ZNF385D: variants seen among roughly 807,000 people sequenced by gnomAD.
The protein encoded by ZNF385D is zinc finger protein 385D.
A neutral mutation model predicts 35.8 loss-of-function variants in ZNF385D; 15 were observed. That is an observed-to-expected ratio of 0.42 (90% confidence interval 0.28 to 0.64). The LOEUF (loss-of-function observed/expected upper bound fraction) is 0.64. Ranked by LOEUF, ZNF385D falls within the 30% of genes least tolerant of loss-of-function variation. The pLI, the probability that ZNF385D is intolerant of heterozygous loss-of-function variation, is 0.23. For synonymous variants in ZNF385D, 212 were observed against 186.8 expected (o/e 1.13, Z -1.10); for missense variants, 474 against 494.6 (o/e 0.96, Z 0.39).
intron 1 of ZNF385D, among the ~76,000 whole-genome samples, chr3:21,711,044 T>C (rs1385862598): frequency 2.4e-5 from 3 of 123,596 alleles, no homozygotes; most frequent in African/African-American, 9.4e-5. Context: ...TAAAAGTTTT[T>C]TTTTTTTTTT....
At chr3:21,476,812 A>G (rs1416773761) in intron 4 of ZNF385D, among the ~76,000 whole-genome samples, 1 of 152,076 alleles carries the variant, frequency 6.6e-6, no homozygotes, top group Non-Finnish European at 1.5e-5. Flanking sequence ...ACCAAACACT[A>G]GTTCCAGGAA....
At chr3:21,604,441 T>G (rs898689427) in intron 2 of ZNF385D, among the ~76,000 whole-genome samples, 2 of 152,224 alleles carry the variant, frequency 1.3e-5, no homozygotes, top group Non-Finnish European at 2.9e-5. Flanking sequence ...ATTTCTATTA[T>G]GTAGGAAGAT....
chr3:21,890,106 C>T (rs942837475), intron 3 of ZNF385D, among the ~76,000 whole-genome samples: 1 of 152,148 alleles, frequency 6.6e-6, no homozygotes, highest in Non-Finnish European at 1.5e-5. Flanking sequence ...GATTTGGCTT[C>T]AAACATATAT....
intron 3 of ZNF385D, among the ~76,000 whole-genome samples, chr3:21,944,937 T>A (rs902943566): frequency 6.6e-6 from 1 of 152,022 alleles, no homozygotes; most frequent in Non-Finnish European, 1.5e-5. Flanking sequence ...TCTTAATGAG[T>A]TTTGTAACTC....
At chr3:21,948,281 G>A (rs1170619057) in intron 3 of ZNF385D, among the ~76,000 whole-genome samples, 2 of 151,358 alleles carry the variant, frequency 1.3e-5, no homozygotes, top group Non-Finnish European at 2.9e-5. Flanking sequence ...TCCAATATTG[G>A]CTCTATGACA....
chr3:21,598,462 C>T (rs771546399), intron 2 of ZNF385D, among the ~76,000 whole-genome samples: 1 of 152,050 alleles, frequency 6.6e-6, no homozygotes, highest in Non-Finnish European at 1.5e-5. Flanking sequence ...AAACATATTC[C>T]CAACTGGAAC....
chr3:22,112,845 G>GA (rs34964113), intron 3 of ZNF385D, among the ~76,000 whole-genome samples: 22,688 of 151,466 alleles, frequency 0.15, 1,644 homozygotes, highest in Non-Finnish European at 0.16. Context: ...CTATGGGGGG[G>GA]AAAAAAAACA....
At chr3:22,214,267 T>C (rs1357983605) in intron 2 of ZNF385D, among the ~76,000 whole-genome samples, 1 of 152,140 alleles carries the variant, frequency 6.6e-6, no homozygotes. Context: ...TTCCTATGCC[T>C]GTCTTTACTT....
rs543758228 is a variant in ZNF385D at position 21,764,906 on chromosome 3, C to G, written c.326-99878G>C. Among the ~76,000 whole-genome samples, 87 of 152,204 alleles carry G rather than the reference C, an allele frequency of 5.7e-4. 1 individual carries two copies. The highest frequency in any genetic ancestry group is 2.0e-3 in the African/African-American group (85 of 41,550). On this transcript the variant is annotated intron_variant, in intron 3 of 5. Transcript: ENST00000494108. The stretch of plus-strand genomic sequence containing the variant: ...TTTTTTCCAATTGTCCACTTCTCTC[C>G]TGCCTACAACTTTCCTGAATAATTT...
intron 2 of ZNF385D, among the ~76,000 whole-genome samples, chr3:22,325,566 C>G (rs1364580601): frequency 1.3e-5 from 2 of 152,114 alleles, no homozygotes. Flanking sequence ...GAGTTCGAGA[C>G]CAGCCTGGGC....
intron 2 of ZNF385D, among the ~76,000 whole-genome samples, chr3:21,572,372 T>C (rs1029273500): frequency 6.6e-6 from 1 of 152,186 alleles, no homozygotes; most frequent in African/African-American, 2.4e-5. Context: ...CAAGAAACTT[T>C]CACTTCAGTT....
At chr3:21,988,058 T>C (rs1187985197) in intron 3 of ZNF385D, among the ~76,000 whole-genome samples, 1 of 140,722 alleles carries the variant, frequency 7.1e-6, no homozygotes, top group Non-Finnish European at 1.6e-5. Flanking sequence ...GTTATTCTAG[T>C]TATACATTCT....
At chr3:21,786,130 A>T (rs2071679819) in intron 3 of ZNF385D, among the ~76,000 whole-genome samples, 1 of 152,086 alleles carries the variant, frequency 6.6e-6, no homozygotes, top group African/African-American at 2.4e-5. Context: ...TAAACTGTTC[A>T]ACATCACAAA....
intron 4 of ZNF385D, among the ~76,000 whole-genome samples, chr3:21,455,666 A>G (rs13069346): frequency 0.34 from 51,359 of 151,314 alleles, 10,193 homozygotes; most frequent in African/African-American, 0.6. Context: ...CATTCAGGAC[A>G]TAGGCATGGG....
At chr3:21,800,222 T>A (rs1308175836) in intron 3 of ZNF385D, among the ~76,000 whole-genome samples, 1 of 152,222 alleles carries the variant, frequency 6.6e-6, no homozygotes, top group Admixed American at 6.6e-5. Flanking sequence ...TTTGACTATT[T>A]TGAATGCCTT....
At chr3:21,668,673 C>G (rs2066475943) in intron 1 of ZNF385D, among the ~76,000 whole-genome samples, 1 of 152,180 alleles carries the variant, frequency 6.6e-6, no homozygotes, top group Admixed American at 6.6e-5. Flanking sequence ...CTTTTGAAAT[C>G]TGGATTAGTC....
intron 2 of ZNF385D, among the ~76,000 whole-genome samples, chr3:22,304,046 G>C (rs564144487): frequency 6.6e-6 from 1 of 152,266 alleles, no homozygotes; most frequent in East Asian, 1.9e-4. Context: ...CCAGTGTTGG[G>C]ATTACAGGCG....
chr3:22,058,488 A>G (rs1380752925), intron 3 of ZNF385D, among the ~76,000 whole-genome samples: 1 of 152,154 alleles, frequency 6.6e-6, no homozygotes, highest in Non-Finnish European at 1.5e-5. Context: ...GATAATGGCT[A>G]TCACACAAAG....
intron 3 of ZNF385D, among the ~76,000 whole-genome samples, chr3:22,025,236 A>G (rs259425): frequency 0.2 from 30,841 of 152,170 alleles, 4,257 homozygotes; most frequent in East Asian, 0.44. Context: ...CTAAGGACAT[A>G]AACTATGCAC....
Sources: allele counts gnomAD v4.1 joint callset (sites outside exome capture counted in the v4.1 genomes callset), GRCh38; gene constraint gnomAD v4.1.1; transcripts MANE v1.5; gene names NCBI Gene and HGNC (gene_info 2026-07-23, HGNC 2026-07-21).